LRRTM1: variants seen among roughly 807,000 people sequenced by gnomAD.
LRRTM1 encodes the protein leucine-rich repeat transmembrane neuronal protein 1.
Under a neutral mutation model 37.3 loss-of-function variants are expected in LRRTM1, and 8 were observed. The observed-to-expected ratio is 0.21, with a 90% confidence interval of 0.13 to 0.39. The LOEUF (loss-of-function observed/expected upper bound fraction) is 0.39. Ranked by LOEUF, LRRTM1 falls within the 10% of genes least tolerant of loss-of-function variation. LRRTM1 has a pLI of 1.00. For synonymous variants in LRRTM1, 326 were observed against 316.8 expected, an observed-to-expected ratio of 1.03 and a Z score of -0.31; for missense variants, 557 against 691.0, an observed-to-expected ratio of 0.81 and a Z score of 2.17.
downstream of LRRTM1, chr2:80,298,527 G>C (rs550976870): frequency 6.6e-6 from 1 of 152,282 alleles, no homozygotes; most frequent in African/African-American, 2.4e-5. Flanking sequence ...AAAATAAGCC[G>C]GAAACACAAG....
chr2:80,296,636 G>A (rs1675769841), intron 2 of LRRTM1, among the ~76,000 whole-genome samples: 1 of 152,198 alleles, frequency 6.6e-6, no homozygotes, highest in African/African-American at 2.4e-5. Context: ...ACCATTCCTT[G>A]TAAAGCTGAA....
rs1326536252 is a variant in LRRTM1 at position 80,302,383 on chromosome 2, C to T, written c.1437G>A (p.Gln479=). 6.2e-7 allele frequency: 1 copy of T among 1,614,264 alleles called. No individual in the cohort carries two copies. The highest frequency in any genetic ancestry group is 1.7e-5 in the Admixed American group (1 of 60,028). ...RKQKQKQTMH[Q]MAAMSAQEYY... is the part of the protein sequence containing the mutation. ...ATTCCTGGGCAGACATGGCAGCCAT[C>T]TGATGCATGGTCTGTTTCTGCTTTT... The change falls in exon 2 of 2, where the codon CAG becomes CAA. Residue 479 remains glutamine (Q), a synonymous_variant. Coordinates refer to ENST00000295057, the MANE Select transcript of LRRTM1 (RefSeq NM_178839.5). This position sits in a 1 kb window ranked among gnomAD's most constrained non-coding sequence, Gnocchi z 6.4.
chr2:80,303,133 G>T lies in LRRTM1; in HGVS notation c.687C>A (p.Phe229Leu). The T allele has an allele frequency of 1.2e-6, 2 of 1,614,126 alleles. No homozygotes were observed. The highest frequency in any genetic ancestry group is 1.7e-6 in the Non-Finnish European group (2 of 1,180,034). Residue 229 changes from phenylalanine (F) to leucine (L), a missense_variant, in exon 2 of 2, where the codon TTC (phenylalanine) becomes TTA (leucine). By Grantham distance (22) the Phe-to-Leu change is conservative (BLOSUM62 0). Around this residue, in one of 5 missense-constraint regions of LRRTM1, gnomAD observed 200 missense variants for 249.9 expected, o/e 0.80. Coordinates refer to ENST00000295057, the MANE Select transcript of LRRTM1 (RefSeq NM_178839.5). The surrounding 1 kb of genome is among the most constrained non-coding windows in gnomAD (Gnocchi z 7.7). Reference sequence around the variant, plus strand: ...GCGAGTGCAGGGAGATGAGGCGCGGGAAGTGGGCGAAGTTCACCTTGACCA... The same window carrying T: ...GCGAGTGCAGGGAGATGAGGCGCGGTAAGTGGGCGAAGTTCACCTTGACCA... ...NDLVKVNFAH[F>L]PRLISLHSLC...
downstream of LRRTM1, chr2:80,301,811 G>A (rs148280291): frequency 3.9e-5 from 6 of 153,132 alleles, no homozygotes; most frequent in Middle Eastern, 3.4e-3. Context: ...ACCCACCAAG[G>A]AAATTTTAAC....
intron 2 of LRRTM1, among the ~76,000 whole-genome samples, chr2:80,294,878 C>A (rs185503812): frequency 6.6e-6 from 1 of 152,138 alleles, no homozygotes; most frequent in Admixed American, 6.5e-5. Flanking sequence ...TACAACATTA[C>A]ATTGAGAACA....
chr2:80,291,911 T>G (rs1675296502), intron 2 of LRRTM1, among the ~76,000 whole-genome samples: 1 of 152,066 alleles, frequency 6.6e-6, no homozygotes, highest in African/African-American at 2.4e-5. Context: ...CAGAACAAAG[T>G]CAGTGAGTGG....
Position 80,302,003 on chromosome 2 carries a change from C to G in LRRTM1, c.*248G>C, listed in dbSNP as rs1676367116. 2.4e-6 allele frequency: 1 copy of G among 421,224 alleles called. No individual in the cohort carries two copies. Among genetic ancestry groups the G allele is most frequent in the Non-Finnish European group, 4.2e-6 (1 of 240,500 alleles). The allele number at this position is 421,224 out of a possible 1,614,324, so 26.1% of individuals were successfully genotyped here. On this transcript the variant is annotated 3_prime_UTR_variant, in exon 2 of 2. Transcript: ENST00000295057. The surrounding 1 kb of genome is among the most constrained non-coding windows in gnomAD (Gnocchi z 6.4). ...AGATCTTCAAAGGGAGGAAGGAGTT[C>G]TCATATGAAATTTAAGATAGACTGT...
chr2:80,291,144 GAT>G (rs1478243899), intron 2 of LRRTM1, among the ~76,000 whole-genome samples: 1 of 152,216 alleles, frequency 6.6e-6, no homozygotes, highest in African/African-American at 2.4e-5. Context: ...TCTGACCAAA[GAT>G]AGTTTTTCCT....
At chr2:80,293,070 G>C (rs1380714361) in intron 2 of LRRTM1, among the ~76,000 whole-genome samples, 2 of 152,196 alleles carry the variant, frequency 1.3e-5, no homozygotes, top group Non-Finnish European at 2.9e-5. Context: ...CACAGTCTCA[G>C]TTTCAGGGAA....
At chr2:80,298,701 G>A (rs1050010858), downstream of LRRTM1, 1 of 152,212 alleles carries the variant, frequency 6.6e-6, no homozygotes, top group Non-Finnish European at 1.5e-5. Flanking sequence ...AGAAAAGGTT[G>A]GGGGCTCTTC....
At chr2:80,301,286 C>T (rs538502530), downstream of LRRTM1, among the ~76,000 whole-genome samples, 1 of 152,282 alleles carries the variant, frequency 6.6e-6, no homozygotes, top group Admixed American at 6.5e-5. Context: ...CCCTAAACAT[C>T]GGGATTCTGC....
At chr2:80,288,619 T>G (rs557355052) in exon 3 of LRRTM1, 2 of 152,312 alleles carry the variant, frequency 1.3e-5, no homozygotes, top group South Asian at 4.1e-4. Context: ...CTGGCCCAGA[T>G]TCTTCAGCCT....
Position 80,293,602 on chromosome 2 carries a change from CTGTT to C in LRRTM1, c.*307-4411_*307-4408del, listed in dbSNP as rs201518212. Among the ~76,000 whole-genome samples the C allele has an allele frequency of 9.2e-4, 140 of 152,278 alleles. 3 individuals carry two copies. In the East Asian group the frequency reaches 0.026, roughly 29 times the overall value. ...TCCTGGCCAAATGTATGCTACCCGT[CTGTT>C]TAAGTGCCTGAAATTCCAGCATTAG... is the stretch of plus-strand genomic sequence containing the variant. On this transcript the variant is annotated intron_variant and NMD_transcript_variant, in intron 2 of 2. Coordinates refer to the LRRTM1 transcript ENST00000417012.
intron 2 of LRRTM1, among the ~76,000 whole-genome samples, chr2:80,295,432 C>A (rs1675661122): frequency 6.6e-6 from 1 of 152,176 alleles, no homozygotes; most frequent in Admixed American, 6.5e-5. Context: ...TCTCTGAAGC[C>A]CCTGACTCTC....
At position 80,303,550 on chromosome 2, in the gene LRRTM1, C is replaced by T. The variant is rs1412364273; in HGVS notation, c.270G>A (p.Gln90=). Reference sequence around the variant, plus strand: ...TGTGATCCAGATAGAGCCACGTGAGCTGCATTAACCCCGTGAACTGGCCGG... The same window carrying T: ...TGTGATCCAGATAGAGCCACGTGAGTTGCATTAACCCCGTGAACTGGCCGG... The part of the protein sequence containing the change: ...LRAGQFTGLM[Q]LTWLYLDHNH... The change falls in exon 2 of 2, where the codon CAG becomes CAA. Residue 90 remains glutamine, a synonymous_variant. Transcript: ENST00000295057. This position sits in a 1 kb window ranked among gnomAD's most constrained non-coding sequence, Gnocchi z 7.7. 6.2e-7 allele frequency: 1 copy of T among 1,614,132 alleles called. No individual in the cohort carries two copies. The highest frequency in any genetic ancestry group is 1.7e-5 in the Admixed American group (1 of 60,012).
In LRRTM1 at chr2:80,303,790, T is replaced by A. The variant is rs1377941938; in HGVS notation, c.30A>T (p.Leu10=). 1 of 1,535,198 alleles carries A rather than the reference T, an allele frequency of 6.5e-7. No homozygotes were observed. Among genetic ancestry groups the A allele is most frequent in the Non-Finnish European group, 8.8e-7 (1 of 1,142,728 alleles). ...CCGAGGGCCTCCTCAGCAGCCAGTATAGACAGAGACCGAGCAGCAGGAAAT... is the reference window on the plus strand; with the variant it reads ...CCGAGGGCCTCCTCAGCAGCCAGTAAAGACAGAGACCGAGCAGCAGGAAAT... The part of the protein sequence containing the change: MDFLLLGLC[L]YWLLRRPSGV... The change falls in exon 2 of 2, where the codon CTA becomes CTT. Residue 10 remains leucine (L), a synonymous_variant. Transcript: ENST00000295057. The surrounding 1 kb of genome is among the most constrained non-coding windows in gnomAD (Gnocchi z 7.7).
downstream of LRRTM1, among the ~76,000 whole-genome samples, chr2:80,299,998 G>A (rs796603968): frequency 3.9e-4 from 60 of 152,266 alleles, 1 homozygote; most frequent in African/African-American, 1.3e-3. Context: ...TCTTCTAGAG[G>A]AGGTCGCTTT....
chr2:80,291,833 C>T (rs528741540), intron 2 of LRRTM1, among the ~76,000 whole-genome samples: 108 of 152,250 alleles, frequency 7.1e-4, no homozygotes, highest in African/African-American at 2.5e-3. Context: ...CACATGGCCA[C>T]GTGTATTCCA....
chr2:80,302,719 G>A lies in LRRTM1; in HGVS notation c.1101C>T (p.Ala367=), dbSNP rs1437847971. 1.2e-6 allele frequency: 2 copies of A among 1,612,888 alleles called. No homozygotes were observed. Among genetic ancestry groups the A allele is most frequent in the Non-Finnish European group, 1.7e-6 (2 of 1,179,826 alleles). ...AGAGCAGGTGGCCGCTGGTGGGCTC[G>A]GCCCCATCCTCGCACAGGTGGAAGG... The part of the protein sequence containing the change: ...VYAFHLCEDG[A]EPTSGHLLSA... The change falls in exon 2 of 2, where the codon GCC becomes GCT. Residue 367 remains alanine (A), a synonymous_variant. Coordinates refer to ENST00000295057, the MANE Select transcript of LRRTM1 (RefSeq NM_178839.5). This position sits in a 1 kb window ranked among gnomAD's most constrained non-coding sequence, Gnocchi z 6.4.
Sources: allele counts gnomAD v4.1 joint callset (sites outside exome capture counted in the v4.1 genomes callset), GRCh38; gene constraint gnomAD v4.1.1; regional missense constraint gnomAD v4.1.1; non-coding constraint Gnocchi (gnomAD v3.1); transcripts MANE v1.5; gene names NCBI Gene and HGNC (gene_info 2026-07-23, HGNC 2026-07-21).